The following SNTG1 variants were observed in gnomAD, a reference collection of about 807,000 sequenced individuals.
SNTG1 encodes syntrophin gamma 1.
A neutral mutation model predicts 74.7 loss-of-function variants in SNTG1; 39 were observed. The ratio of observed to expected loss-of-function variants is 0.52; its 90% CI spans 0.40 to 0.68. The LOEUF is 0.68. Among genes scored for constraint, SNTG1 ranks in the 30% least tolerant of loss-of-function variants. The pLI is 0.00. For synonymous variants in SNTG1, 254 were observed against 217.1 expected (o/e 1.17, Z -1.49); for missense variants, 685 against 609.5 (o/e 1.12, Z -1.30).
intron 18 of SNTG1, among the ~76,000 whole-genome samples, chr8:50,779,021 G>A (rs189465957): frequency 1.1e-4 from 17 of 152,128 alleles, no homozygotes; most frequent in South Asian, 6.2e-4. Context: ...GTAGATATGC[G>A]GCGTTATTTC....
chr8:50,193,383 A>G (rs921297097), intron 2 of SNTG1, among the ~76,000 whole-genome samples: 8 of 151,818 alleles, frequency 5.3e-5, no homozygotes, highest in Middle Eastern at 3.4e-3. Context: ...GTATATTCCC[A>G]AGTTGTTTTT....
intron 1 of SNTG1, among the ~76,000 whole-genome samples, chr8:49,997,594 A>G (rs918643512): frequency 2.0e-5 from 3 of 152,128 alleles, no homozygotes; most frequent in African/African-American, 4.8e-5. Flanking sequence ...CACTCATCTT[A>G]GTGAGACCTA....
intron 1 of SNTG1, among the ~76,000 whole-genome samples, chr8:50,165,870 A>G (rs1469077459): frequency 1.3e-5 from 2 of 152,012 alleles, no homozygotes; most frequent in Non-Finnish European, 1.5e-5. Context: ...ACTTCAAACT[A>G]TACTACAAGG....
chr8:49,931,613 C>T (rs1807600985), intron 1 of SNTG1, among the ~76,000 whole-genome samples: 2 of 151,758 alleles, frequency 1.3e-5, no homozygotes, highest in Non-Finnish European at 2.9e-5. Flanking sequence ...AAAAACTAAC[C>T]AAAAAAGCAA....
chr8:50,584,818 G>A (rs2094636714), intron 12 of SNTG1, among the ~76,000 whole-genome samples: 1 of 152,120 alleles, frequency 6.6e-6, no homozygotes, highest in African/African-American at 2.4e-5. Flanking sequence ...CCACAACTGT[G>A]CAAGTCAAAC....
At chr8:50,535,928 G>A (rs2094303958) in intron 10 of SNTG1, among the ~76,000 whole-genome samples, 1 of 151,986 alleles carries the variant, frequency 6.6e-6, no homozygotes. Flanking sequence ...TTGATGTGTT[G>A]GTGTGATGAA....
In SNTG1 at chr8:50,358,513, G is replaced by A. The variant is rs1039872870; in HGVS notation, c.-27-35699G>A. ...CCTTGGACACAATTAGTCCAGGACCGCAGTTATATTTCAATATTTCAGATA... is the reference window on the plus strand; with the variant it reads ...CCTTGGACACAATTAGTCCAGGACCACAGTTATATTTCAATATTTCAGATA... On this transcript the variant is annotated intron_variant, in intron 2 of 18. Transcript: ENST00000642720. Among the ~76,000 whole-genome samples the A allele has an allele frequency of 1.2e-4, 19 of 152,124 alleles. 1 individual carries two copies. Among genetic ancestry groups the A allele is most frequent in the Admixed American group, 2.6e-4 (4 of 15,266 alleles).
intron 8 of SNTG1, 140 bp downstream of exon 8, chr8:50,450,869 A>ATT: frequency 1.3e-5 from 8 of 639,400 alleles, no homozygotes; most frequent in South Asian, 2.3e-5. Context: ...ATGTTCTCTT[A>ATT]ATTTTTTTTT....
chr8:50,413,432 A>G (rs2092975003), intron 4 of SNTG1, among the ~76,000 whole-genome samples: 2 of 152,172 alleles, frequency 1.3e-5, no homozygotes, highest in Admixed American at 1.3e-4. Context: ...AGTTTGAGAA[A>G]GTCTGCCATC....
At chr8:50,292,959 G>C (rs551550798) in intron 2 of SNTG1, among the ~76,000 whole-genome samples, 4 of 152,206 alleles carry the variant, frequency 2.6e-5, no homozygotes, top group Admixed American at 6.5e-5. Flanking sequence ...AGGATCCAAG[G>C]ACCTGAGGGA....
intron 1 of SNTG1, among the ~76,000 whole-genome samples, chr8:50,002,002 G>T (rs1449481691): frequency 1.3e-5 from 2 of 152,140 alleles, no homozygotes; most frequent in Non-Finnish European, 2.9e-5. Context: ...TTTGGGGCTT[G>T]TAGACTACCG....
intron 1 of SNTG1, among the ~76,000 whole-genome samples, chr8:49,925,474 C>T (rs1037811000): frequency 2.6e-5 from 4 of 152,056 alleles, no homozygotes; most frequent in Non-Finnish European, 5.9e-5. Flanking sequence ...GTCTGTCTGT[C>T]GCTGTGTGTG....
intron 13 of SNTG1, among the ~76,000 whole-genome samples, chr8:50,627,616 G>T (rs560527408): frequency 9.9e-5 from 15 of 152,150 alleles, no homozygotes; most frequent in Admixed American, 3.3e-4. Flanking sequence ...TAGTCAACTG[G>T]CTATAAACCA....
At chr8:50,093,133 G>A (rs1482124919) in intron 1 of SNTG1, among the ~76,000 whole-genome samples, 1 of 151,996 alleles carries the variant, frequency 6.6e-6, no homozygotes, top group Non-Finnish European at 1.5e-5. Context: ...CATTGTTAAT[G>A]ATTCCACCTA....
chr8:50,783,854 G>A (rs558082816), intron 18 of SNTG1, among the ~76,000 whole-genome samples: 1 of 152,272 alleles, frequency 6.6e-6, no homozygotes, highest in East Asian at 1.9e-4. Context: ...CAGAACTTCA[G>A]TTTGAGTTTT....
intron 18 of SNTG1, among the ~76,000 whole-genome samples, chr8:50,786,765 G>A (rs1472744887): frequency 6.6e-6 from 1 of 151,968 alleles, no homozygotes; most frequent in Non-Finnish European, 1.5e-5. Flanking sequence ...TCAACAAATA[G>A]TGCTGGGAAA....
chr8:50,107,591 G>A (rs2080424312), intron 1 of SNTG1, among the ~76,000 whole-genome samples: 1 of 151,424 alleles, frequency 6.6e-6, no homozygotes, highest in Non-Finnish European at 1.5e-5. Flanking sequence ...TGTTTTGTTG[G>A]CTGGGCTGGA....
At chr8:49,955,397 G>A (rs1157932) in intron 1 of SNTG1, among the ~76,000 whole-genome samples, 15,127 of 152,164 alleles carry the variant, frequency 0.099, 1,072 homozygotes, top group South Asian at 0.2. Context: ...CACGCACATT[G>A]CCCTGGCACC....
intron 2 of SNTG1, among the ~76,000 whole-genome samples, chr8:50,271,461 G>A (rs1437600347): frequency 6.6e-6 from 1 of 152,124 alleles, no homozygotes; most frequent in East Asian, 1.9e-4. Context: ...TTTATGAAAT[G>A]TTCTGAAAAT....
Sources: gnomAD v4.1 joint callset for allele counts (sites outside exome capture counted in the v4.1 genomes callset) on GRCh38, gnomAD v4.1.1 for gene constraint, MANE v1.5 for transcripts, NCBI Gene and HGNC (gene_info 2026-07-23, HGNC 2026-07-21) for gene names.